The following QPRT variants were observed in gnomAD, a reference collection of about 807,000 sequenced individuals.
QPRT encodes nicotinate-nucleotide pyrophosphorylase [carboxylating].
Under a neutral mutation model 19.8 loss-of-function variants are expected in QPRT, and 17 were observed. The observed-to-expected ratio is 0.86, with a 90% CI of 0.59 to 1.29. The LOEUF (loss-of-function observed/expected upper bound fraction) is 1.29, where lower values mean the gene tolerates loss of function less well. Among genes scored for constraint, QPRT ranks in the 50% most tolerant of loss-of-function variants. The probability of loss-of-function intolerance (pLI) is 0.00; values close to 1 mark genes in which losing one functional copy is unlikely to be tolerated. For synonymous variants in QPRT, 178 were observed against 191.0 expected (o/e 0.93, Z 0.56); for missense variants, 336 against 405.1 (o/e 0.83, Z 1.46).
intron 1 of QPRT, among the ~76,000 whole-genome samples, chr16:29,688,621 G>C (rs1036675119): frequency 6.6e-6 from 1 of 152,048 alleles, no homozygotes; most frequent in Non-Finnish European, 1.5e-5. Context: ...CTAGGTTCAA[G>C]CAATTCTCGT....
At position 29,694,893 on chromosome 16, in the gene QPRT, G is replaced by A. The variant is rs753718338; in HGVS notation, c.243G>A (p.Leu81=). 4 of 1,614,040 alleles carry A rather than the reference G, an allele frequency of 2.5e-6. No individual in the cohort carries two copies. In the South Asian group the frequency reaches 3.3e-5, roughly 13 times the overall value. Residue 81 remains leucine, a synonymous_variant, in exon 2 of 4, where the codon CTG becomes CTA. Coordinates refer to ENST00000395384, the MANE Select transcript of QPRT (RefSeq NM_014298.6). ...GGTTCCTCCCCGAGGGATCGAAGCT[G>A]GTGCCGGTGGCCAGAGTGGCCGAGG... is the stretch of plus-strand genomic sequence containing the variant. ...VSWFLPEGSK[L]VPVARVAEVR...
At chr16:29,696,906 C>T (rs1967552874) in intron 2 of QPRT, 90 bp from the exon 3 acceptor site, 2 of 1,449,592 alleles carry the variant, frequency 1.4e-6, no homozygotes, top group Non-Finnish European at 1.8e-6. Flanking sequence ...GTGCTGGGCC[C>T]TATCGTCACC....
At chr16:29,684,914 C>T (rs977174278) in intron 1 of QPRT, among the ~76,000 whole-genome samples, 9 of 152,084 alleles carry the variant, frequency 5.9e-5, no homozygotes, top group Non-Finnish European at 7.4e-5. Context: ...GCGGCTGGCA[C>T]GCCATGGCTG....
At chr16:29,691,315 A>G (rs1967321197) in intron 1 of QPRT, among the ~76,000 whole-genome samples, 1 of 139,178 alleles carries the variant, frequency 7.2e-6, no homozygotes, top group South Asian at 2.3e-4. Context: ...CAGTGAGGTG[A>G]CATCAGGCCA....
upstream of QPRT, chr16:29,679,172 A>G: frequency 6.2e-7 from 1 of 1,613,640 alleles, no homozygotes; most frequent in Non-Finnish European, 8.5e-7. Flanking sequence ...CAGCCAACAC[A>G]CCAGCCCAGA....
intron 1 of QPRT, among the ~76,000 whole-genome samples, chr16:29,679,815 T>C (rs1043196601): frequency 6.6e-6 from 1 of 152,102 alleles, no homozygotes; most frequent in Non-Finnish European, 1.5e-5. Flanking sequence ...ATTTATTGAG[T>C]ACAATCTTTT....
chr16:29,689,682 G>C (rs1482688156), intron 1 of QPRT, among the ~76,000 whole-genome samples: 1 of 152,026 alleles, frequency 6.6e-6, no homozygotes, highest in Non-Finnish European at 1.5e-5. Flanking sequence ...ACCTAAGCCT[G>C]GTAGTTAAAA....
chr16:29,686,714 C>T (rs1477701978), intron 1 of QPRT, among the ~76,000 whole-genome samples: 1 of 152,080 alleles, frequency 6.6e-6, no homozygotes, highest in Non-Finnish European at 1.5e-5. Context: ...CCATCTTGGC[C>T]AGGCTGGTCT....
chr16:29,690,395 G>A (rs779505390), intron 1 of QPRT, among the ~76,000 whole-genome samples: 10 of 152,118 alleles, frequency 6.6e-5, no homozygotes, highest in Non-Finnish European at 1.2e-4. Context: ...ATTGCTGGGT[G>A]GAATGGTATT....
At chr16:29,679,997 C>A (rs1452163954) in intron 1 of QPRT, among the ~76,000 whole-genome samples, 1 of 150,400 alleles carries the variant, frequency 6.6e-6, no homozygotes, top group East Asian at 1.9e-4. Context: ...TCTCGCTTTC[C>A]CCCAGGCTGG....
chr16:29,687,285 T>C (rs4563056), intron 1 of QPRT, among the ~76,000 whole-genome samples: 130,353 of 152,242 alleles, frequency 0.86, 56,322 homozygotes, highest in East Asian at 0.99. Context: ...AAGTGCTTCG[T>C]ATACTGAACC....
chr16:29,695,218 C>G lies in QPRT; in HGVS notation c.549+19C>G. 6.6e-7 allele frequency: 1 copy of G among 1,514,624 alleles called. No individual in the cohort carries two copies. The highest frequency in any genetic ancestry group is 8.9e-7 in the Non-Finnish European group (1 of 1,128,466). The allele number at this position is 1,514,624 out of a possible 1,614,324, so 93.8% of individuals were successfully genotyped here. A position where few individuals can be genotyped will look rare whatever the true frequency, so the allele number is the denominator to read the frequency against. ...GGAGAAGGTGCTGGTCCTGCCTGTC[C>G]CTGGTCCAACCCCACCCTCAGCACA... is the stretch of plus-strand genomic sequence containing the variant. On this transcript the variant is annotated intron_variant, in intron 2 of 3. Coordinates refer to ENST00000395384, the MANE Select transcript of QPRT (RefSeq NM_014298.6).
rs1289645540 is a variant in QPRT, at chr16:29,697,650, G to A, written c.*239G>A. The A allele has an allele frequency of 1.7e-5, 9 of 540,152 alleles. No homozygotes were observed. The highest frequency in any genetic ancestry group is 5.0e-5 in the South Asian group (2 of 39,736). The allele number at this position is 540,152 out of a possible 1,614,324, so 33.5% of individuals were successfully genotyped here. Reference sequence around the variant, plus strand: ...AAGGATCAACCACATGGGGTTCTGCGGTGATAATGAGCACATAGTGAGGGG... The same window carrying A: ...AAGGATCAACCACATGGGGTTCTGCAGTGATAATGAGCACATAGTGAGGGG... On this transcript the variant is annotated 3_prime_UTR_variant, in exon 4 of 4. Coordinates refer to ENST00000395384, the MANE Select transcript of QPRT (RefSeq NM_014298.6). The surrounding 1 kb of genome is among the most constrained non-coding windows in gnomAD (Gnocchi z 4.4).
chr16:29,696,925 C>T, intron 2 of QPRT, 71 bp from the exon 3 acceptor site: 2 of 1,498,880 alleles, frequency 1.3e-6, no homozygotes, highest in Non-Finnish European at 1.8e-6. Context: ...CCCTCGCCCT[C>T]CCGGCTCCCT....
chr16:29,697,163 G>T lies in QPRT; in HGVS notation c.681+36G>T. Reference sequence around the variant, plus strand: ...CTCTGCCTCCGGGGAGGGATCTGTGGTGGGCTCTTACCTCCCCTTGGCTTG... The same window carrying T: ...CTCTGCCTCCGGGGAGGGATCTGTGTTGGGCTCTTACCTCCCCTTGGCTTG... On this transcript the variant is annotated intron_variant, in intron 3 of 3. Transcript: ENST00000395384. The surrounding 1 kb of genome is among the most constrained non-coding windows in gnomAD (Gnocchi z 4.4). 1 of 1,599,320 alleles carries T rather than the reference G, an allele frequency of 6.3e-7. No homozygotes were observed. The highest frequency in any genetic ancestry group is 8.6e-7 in the Non-Finnish European group (1 of 1,169,280).
At chr16:29,689,190 G>A (rs1967252468) in intron 1 of QPRT, among the ~76,000 whole-genome samples, 1 of 151,534 alleles carries the variant, frequency 6.6e-6, no homozygotes, top group Admixed American at 6.6e-5. Context: ...TGCCTCCTGG[G>A]TTCAAGAGAT....
chr16:29,679,063 T>C, upstream of QPRT: 1 of 1,523,420 alleles, frequency 6.6e-7, no homozygotes, highest in Non-Finnish European at 9.1e-7. Context: ...GGAGGGAGGC[T>C]TGGGGAGCCT....
intron 1 of QPRT, among the ~76,000 whole-genome samples, chr16:29,687,462 C>T (rs780136167): frequency 2.0e-5 from 3 of 152,240 alleles, no homozygotes; most frequent in African/African-American, 7.2e-5. Context: ...CCAGCCCTGG[C>T]TCTGCCACTT....
chr16:29,686,022 G>A lies in QPRT; in HGVS notation c.13+6812G>A, dbSNP rs1359933700. 7.2e-5 allele frequency among the ~76,000 whole-genome samples: 11 copies of A among 151,966 alleles called. No homozygotes were observed. In the South Asian group the frequency reaches 8.3e-4, roughly 11 times the overall value. On this transcript the variant is annotated intron_variant, in intron 1 of 3. Coordinates refer to ENST00000395384, the MANE Select transcript of QPRT (RefSeq NM_014298.6). ...ATTACAGGCATGTGCCACCATGCCC[G>A]GCTAATTTTGTATTTTTAGTAGAGA...
Sources: gnomAD v4.1 joint callset for allele counts (sites outside exome capture counted in the v4.1 genomes callset) on GRCh38, gnomAD v4.1.1 for gene constraint, Gnocchi (gnomAD v3.1) non-coding constraint, MANE v1.5 for transcripts, NCBI Gene and HGNC (gene_info 2026-07-23, HGNC 2026-07-21) for gene names.